Variants in TUBE1 observed in about 807,000 individuals in gnomAD.
The protein encoded by TUBE1 is tubulin epsilon 1, also known as tubulin epsilon chain.
TUBE1 carries 34 observed loss-of-function variants against 53.5 expected under a neutral mutation model. The observed-to-expected ratio is 0.64, with a 90% CI of 0.48 to 0.85. TUBE1 has a LOEUF of 0.85. Ranked by LOEUF, TUBE1 falls within the 40% of genes least tolerant of loss-of-function variation. The pLI, the probability that TUBE1 is intolerant of heterozygous loss-of-function variation, is 0.00. For synonymous variants in TUBE1, 177 were observed against 198.4 expected (o/e 0.89, Z 0.91); for missense variants, 532 against 570.5 (o/e 0.93, Z 0.69).
intron 3 of TUBE1, 95 bp downstream of exon 3, chr6:112,086,461 C>A: frequency 1.2e-6 from 1 of 814,482 alleles, no homozygotes; most frequent in Non-Finnish European, 1.9e-6. Context: ...AACACAACTT[C>A]GCAGCTGGCT....
At chr6:112,086,886 T>A in intron 2 of TUBE1, 1 of 488,596 alleles carries the variant, frequency 2.0e-6, no homozygotes, top group Non-Finnish European at 3.6e-6. Flanking sequence ...GGATTCTTCG[T>A]AATCTTTTTA....
Position 112,074,723 on chromosome 6 carries a change from T to C in TUBE1, c.940A>G (p.Ile314Val), listed in dbSNP as rs782236644. 6.5e-6 allele frequency: 10 copies of C among 1,537,978 alleles called. No homozygotes were observed. The East Asian group carries it at 2.4e-4, about 37-fold the overall frequency. ...TPLYTLTDVN[I>V]PPRRLDQMFS... ...GTTACACCTTACCTTCTAGGAGGAA[T>C]GTTAACATCTGTCAGTGTATACAGA... Residue 314 changes from isoleucine (I) to valine (V), a missense_variant, in exon 9 of 12, where the codon ATT becomes GTT. Physicochemically the swap from Ile to Val is conservative, Grantham distance 29. Transcript: ENST00000368662.
intron 4 of TUBE1, among the ~76,000 whole-genome samples, chr6:112,083,492 G>T (rs1583598264): frequency 6.6e-6 from 1 of 151,872 alleles, no homozygotes; most frequent in East Asian, 1.9e-4. Flanking sequence ...CTAATTTTTT[G>T]TATTTTTAGT....
At chr6:112,079,925 G>A (rs1329760284) in intron 5 of TUBE1, among the ~76,000 whole-genome samples, 171 bp from the exon 6 acceptor site, 1 of 151,352 alleles carries the variant, frequency 6.6e-6, no homozygotes, top group African/African-American at 2.4e-5. Context: ...GAAGATACTA[G>A]ATAGAAAACT....
At chr6:112,075,183 A>T (rs1475886347) in intron 8 of TUBE1, 1 of 154,394 alleles carries the variant, frequency 6.5e-6, no homozygotes, top group Non-Finnish European at 1.4e-5. Context: ...TGAGCAGCTG[A>T]GACTACAGTA....
chr6:112,077,808 T>TA (rs1408163615), intron 6 of TUBE1: 2 of 151,326 alleles, frequency 1.3e-5, no homozygotes, highest in Non-Finnish European at 2.9e-5. Context: ...TATATATACT[T>TA]AAAAAAACCC....
intron 6 of TUBE1, 72 bp from the exon 7 acceptor site, chr6:112,076,581 A>AT (rs1323949330): frequency 5.0e-5 from 68 of 1,372,234 alleles, no homozygotes; most frequent in Non-Finnish European, 4.5e-5. Flanking sequence ...TTGAAACTTT[A>AT]TTTTTTTTGA....
At chr6:112,074,904 T>C (rs1376010018) in intron 8 of TUBE1, 54 bp from the exon 9 acceptor site, 3 of 1,253,810 alleles carry the variant, frequency 2.4e-6, no homozygotes, top group East Asian at 2.7e-5. Context: ...TTATACACTT[T>C]AAATGTAGCT....
At chr6:112,072,226 C>G (rs1776881291) in intron 10 of TUBE1, 150 bp from the exon 11 acceptor site, 1 of 574,894 alleles carries the variant, frequency 1.7e-6, no homozygotes, top group Admixed American at 3.5e-5. Context: ...CTATTTTTTA[C>G]TATTGGCAGT....
intron 5 of TUBE1, 112 bp downstream of exon 5, chr6:112,080,980 C>CGCTA (rs1229666514): frequency 1.6e-6 from 1 of 630,928 alleles, no homozygotes; most frequent in East Asian, 2.9e-5. Context: ...GCTGAAAGGC[C>CGCTA]TAGCATTATG....
intron 3 of TUBE1, 104 bp from the exon 4 acceptor site, chr6:112,084,350 G>T: frequency 1.1e-6 from 1 of 873,410 alleles, no homozygotes; most frequent in Non-Finnish European, 1.9e-6. Flanking sequence ...CTGCTTATAG[G>T]CCAGGTAAGG....
rs782131519 is a variant in TUBE1 at position 112,076,053 on chromosome 6, T to A, written c.696A>T (p.Thr232=). Reference sequence around the variant, plus strand: ...TAACCAGACTCTTTGGCTTCACAGTTGTACCCAACTTTCCAGAATTCACCA... The same window carrying A: ...TAACCAGACTCTTTGGCTTCACAGTAGTACCCAACTTTCCAGAATTCACCA... ...DLMVNSGKLG[T]TVKPKSLVTS... Residue 232 remains threonine, a synonymous_variant, in exon 8 of 12, where the codon ACA becomes ACT. Coordinates refer to ENST00000368662, the MANE Select transcript of TUBE1 (RefSeq NM_016262.5). 7 of 1,613,878 alleles carry A rather than the reference T, an allele frequency of 4.3e-6. No individual in the cohort carries two copies. Among genetic ancestry groups the A allele is most frequent in the Admixed American group, 3.3e-5 (2 of 59,992 alleles).
chr6:112,079,743 T>C lies in TUBE1; in HGVS notation c.338A>G (p.His113Arg), dbSNP rs144211867. The change falls in exon 6 of 12, where the codon CAC (histidine) becomes CGC (arginine). Residue 113 changes from histidine to arginine, a missense_variant. Transcript: ENST00000368662. The stretch of plus-strand genomic sequence containing the variant: ...TTGGTAAAGACTGCCGAAAACTTTG[T>C]GACCCACGGCCCTGAAAATTAGAAT... ...SGSGNNWAVG[H>R]KVFGSLYQDQ... 81 of 1,608,024 alleles carry C rather than the reference T, an allele frequency of 5.0e-5. 1 individual carries two copies. The East Asian group carries it at 1.8e-3, about 35-fold the overall frequency.
At position 112,072,825 on chromosome 6, in the gene TUBE1, A is replaced by C; in HGVS notation, c.1027T>G (p.Tyr343Asp). 1 of 1,613,712 alleles carries C rather than the reference A, an allele frequency of 6.2e-7. No homozygotes were observed. The highest frequency in any genetic ancestry group is 8.5e-7 in the Non-Finnish European group (1 of 1,179,726). ...LLRADPKHSLYLACALMVRGN... is the reference protein window; with the variant it reads ...LLRADPKHSLDLACALMVRGN... The stretch of plus-strand genomic sequence containing the variant: ...CTAACCATGAGTGCACAGGCGAGGT[A>C]AAGACTGTGTTTGGGGTCTGCCCGA... Residue 343 changes from tyrosine (Y) to aspartate (D), a missense_variant, in exon 10 of 12, where the codon TAC becomes GAC. Coordinates refer to ENST00000368662, the MANE Select transcript of TUBE1 (RefSeq NM_016262.5).
Position 112,079,770 on chromosome 6 carries a change from T to A in TUBE1, c.327-16A>T. 2.5e-6 allele frequency: 4 copies of A among 1,590,044 alleles called. No individual in the cohort carries two copies. In the South Asian group the frequency reaches 4.7e-5, roughly 19 times the overall value. ...ACCCACGGCCCTGAAAATTAGAATATGGATTTTAAAAATTCCTTGCATTTA... is the reference window on the plus strand; with the variant it reads ...ACCCACGGCCCTGAAAATTAGAATAAGGATTTTAAAAATTCCTTGCATTTA... On this transcript the variant is annotated splice_polypyrimidine_tract_variant and intron_variant, in intron 5 of 11. Transcript: ENST00000368662.
chr6:112,081,248 TAG>T (rs782122249), intron 4 of TUBE1, 41 bp from the exon 5 acceptor site: 60 of 1,160,294 alleles, frequency 5.2e-5, no homozygotes, highest in Admixed American at 2.2e-4. Flanking sequence ...TATTTTCTTT[TAG>T]AGTTATTCAC....
At chr6:112,077,472 G>GTTGTC (rs147163233) in intron 6 of TUBE1, 1 of 151,620 alleles carries the variant, frequency 6.6e-6, no homozygotes, top group African/African-American at 2.4e-5. Context: ...GATTAGTACT[G>GTTGTC]TTTTCTTAAA....
Position 112,071,317 on chromosome 6 carries a change from G to GA in TUBE1, c.*94dup. The GA allele has an allele frequency of 8.2e-7, 1 of 1,212,858 alleles. No homozygotes were observed. The highest frequency in any genetic ancestry group is 2.6e-5 in the South Asian group (1 of 38,858). 75.1% of individuals were successfully genotyped at this position (1,212,858 alleles called of 1,614,324 possible). A position where few individuals can be genotyped will look rare whatever the true frequency, so the allele number is the denominator to read the frequency against. On this transcript the variant is annotated 3_prime_UTR_variant, in exon 12 of 12. Coordinates refer to ENST00000368662, the MANE Select transcript of TUBE1 (RefSeq NM_016262.5). ...AGACAAAAATATTTCCCGATAATAT[G>GA]AAAAAACTGGAGTTTCCAAATTACA...
intron 8 of TUBE1, 148 bp from the exon 9 acceptor site, chr6:112,074,998 A>G (rs1276008467): frequency 9.6e-6 from 4 of 417,964 alleles, no homozygotes. Context: ...CATATTAGTG[A>G]AAGTTAGTAT....
Sources: gnomAD v4.1 joint callset for allele counts (sites outside exome capture counted in the v4.1 genomes callset) on GRCh38, gnomAD v4.1.1 for gene constraint, MANE v1.5 for transcripts, NCBI Gene and HGNC (gene_info 2026-07-23, HGNC 2026-07-21) for gene names.